SYNJ2BP: variants seen among roughly 807,000 people sequenced by gnomAD.
SYNJ2BP encodes the protein synaptojanin 2 binding protein, also known as synaptojanin-2-binding protein.
A neutral mutation model predicts 16.9 loss-of-function variants in SYNJ2BP; 10 were observed. The ratio of observed to expected loss-of-function variants is 0.59; its 90% confidence interval spans 0.36 to 1.00. SYNJ2BP has a LOEUF of 1.00. Among genes scored for constraint, SYNJ2BP ranks in the 50% least tolerant of loss-of-function variants. The probability of loss-of-function intolerance (pLI) is 0.01; values close to 1 mark genes in which losing one functional copy is unlikely to be tolerated. For synonymous variants in SYNJ2BP, 54 were observed against 68.4 expected (o/e 0.79, Z 1.04); for missense variants, 162 against 186.7 (o/e 0.87, Z 0.77).
chr14:70,409,472 G>A (rs1002903840), intron 1 of SYNJ2BP, among the ~76,000 whole-genome samples: 4 of 152,084 alleles, frequency 2.6e-5, no homozygotes, highest in Non-Finnish European at 5.9e-5. Flanking sequence ...ACATGGCTTC[G>A]CAAAATGTTT....
chr14:70,401,540 T>TTTC (rs398025565), intron 1 of SYNJ2BP, among the ~76,000 whole-genome samples: 2 of 149,128 alleles, frequency 1.3e-5, no homozygotes, highest in African/African-American at 5.0e-5. Flanking sequence ...TTTTTTTTTT[T>TTTC]CAGTCAATTG....
chr14:70,379,398 C>G (rs984309034), intron 2 of SYNJ2BP, among the ~76,000 whole-genome samples: 1 of 152,186 alleles, frequency 6.6e-6, no homozygotes, highest in Non-Finnish European at 1.5e-5. Flanking sequence ...TTTCCTATAT[C>G]CTATACTCTA....
intron 1 of SYNJ2BP, among the ~76,000 whole-genome samples, chr14:70,411,705 G>A (rs970862514): frequency 6.6e-6 from 1 of 152,158 alleles, no homozygotes. Context: ...CAAGTTCCAC[G>A]TTCTTTTAAT....
At chr14:70,396,496 G>A (rs975874715) in intron 1 of SYNJ2BP, among the ~76,000 whole-genome samples, 4 of 152,042 alleles carry the variant, frequency 2.6e-5, no homozygotes, top group Non-Finnish European at 5.9e-5. Context: ...AATAATTTGA[G>A]GAGGTGATAA....
Position 70,367,897 on chromosome 14 carries a change from A to C in SYNJ2BP, c.*5094T>G, listed in dbSNP as rs1296212085. The C allele has an allele frequency of 6.6e-6, 1 of 152,216 alleles. No homozygotes were observed. The highest frequency in any genetic ancestry group is 1.5e-5 in the Non-Finnish European group (1 of 68,040). The allele number at this position is 152,216 out of a possible 1,614,324, so 9.4% of individuals were successfully genotyped here. ...AGCTTAGAGTGACTAAGTGTTATTTATCTCTCTATCTTCGGCACCTAGCAC... is the reference window on the plus strand; with the variant it reads ...AGCTTAGAGTGACTAAGTGTTATTTCTCTCTCTATCTTCGGCACCTAGCAC... On this transcript the variant is annotated 3_prime_UTR_variant, in exon 4 of 4. Transcript: ENST00000256366.
At chr14:70,400,403 T>G (rs1566622382) in intron 1 of SYNJ2BP, among the ~76,000 whole-genome samples, 1 of 152,220 alleles carries the variant, frequency 6.6e-6, no homozygotes, top group African/African-American at 2.4e-5. Flanking sequence ...AAATATAACC[T>G]GAAGAAGACT....
At position 70,368,637 on chromosome 14, in the gene SYNJ2BP, G is replaced by T. The variant is rs1235719498; in HGVS notation, c.*4354C>A. Reference sequence around the variant, plus strand: ...CTTAGCAAATCAGGAAGAAATGAATGTTCCACTTACTTCGTGCAGAAGCTC... The same window carrying T: ...CTTAGCAAATCAGGAAGAAATGAATTTTCCACTTACTTCGTGCAGAAGCTC... On this transcript the variant is annotated 3_prime_UTR_variant, in exon 4 of 4. Coordinates refer to ENST00000256366, the MANE Select transcript of SYNJ2BP (RefSeq NM_018373.3). 1 of 152,220 alleles carries T rather than the reference G, an allele frequency of 6.6e-6. No homozygotes were observed. Among genetic ancestry groups the T allele is most frequent in the African/African-American group, 2.4e-5 (1 of 41,458 alleles). The allele number at this position is 152,220 out of a possible 1,614,324, so 9.4% of individuals were successfully genotyped here.
At chr14:70,414,097 C>T (rs1346705342) in intron 1 of SYNJ2BP, among the ~76,000 whole-genome samples, 1 of 152,206 alleles carries the variant, frequency 6.6e-6, no homozygotes, top group East Asian at 1.9e-4. Context: ...CATGATGATA[C>T]CATGAAGAAA....
intron 1 of SYNJ2BP, among the ~76,000 whole-genome samples, chr14:70,400,227 T>C (rs1888206455): frequency 6.6e-6 from 1 of 152,198 alleles, no homozygotes; most frequent in South Asian, 2.1e-4. Flanking sequence ...CAAAATATCC[T>C]AAGGTCGTTT....
At chr14:70,388,732 A>G in intron 1 of SYNJ2BP, 126 bp from the exon 2 acceptor site, 1 of 1,312,612 alleles carries the variant, frequency 7.6e-7, no homozygotes, top group Non-Finnish European at 9.7e-7. Context: ...GATGCTGGCG[A>G]GTCAGCCTGT....
At chr14:70,377,836 G>A (rs752956524) in intron 2 of SYNJ2BP, among the ~76,000 whole-genome samples, 4 of 152,226 alleles carry the variant, frequency 2.6e-5, no homozygotes, top group South Asian at 4.2e-4. Context: ...TTCTTGGAAC[G>A]CATTATCACT....
At chr14:70,412,371 C>T (rs1241446372) in intron 1 of SYNJ2BP, among the ~76,000 whole-genome samples, 1 of 151,828 alleles carries the variant, frequency 6.6e-6, no homozygotes, top group African/African-American at 2.4e-5. Context: ...TGGGCAAGTC[C>T]TTAACCTCCC....
chr14:70,395,619 A>G (rs1457139044), intron 1 of SYNJ2BP, among the ~76,000 whole-genome samples: 3 of 152,212 alleles, frequency 2.0e-5, no homozygotes, highest in Admixed American at 1.3e-4. Flanking sequence ...GTCTTTATCT[A>G]TATCATGGTA....
At chr14:70,396,944 ACTCTC>A (rs1292330968) in intron 1 of SYNJ2BP, among the ~76,000 whole-genome samples, 7 of 151,586 alleles carry the variant, frequency 4.6e-5, no homozygotes, top group Non-Finnish European at 7.4e-5. Flanking sequence ...GCTATCTTTA[ACTCTC>A]CTCATAGTGT....
intron 2 of SYNJ2BP, among the ~76,000 whole-genome samples, chr14:70,382,040 T>C (rs1237500770): frequency 2.0e-5 from 3 of 152,094 alleles, no homozygotes; most frequent in Admixed American, 6.5e-5. Context: ...ATCGAGACCA[T>C]CCTAGCTAAC....
intron 1 of SYNJ2BP, among the ~76,000 whole-genome samples, chr14:70,396,122 T>C (rs1464889432): frequency 1.3e-5 from 2 of 149,092 alleles, no homozygotes; most frequent in African/African-American, 2.4e-5. Context: ...CCTGCAATTC[T>C]TTTTTTTATT....
At chr14:70,396,325 G>C (rs190525384) in intron 1 of SYNJ2BP, among the ~76,000 whole-genome samples, 8 of 152,226 alleles carry the variant, frequency 5.3e-5, no homozygotes, top group Admixed American at 2.0e-4. Flanking sequence ...CACCATGTTA[G>C]CCAGGATGGT....
intron 2 of SYNJ2BP, among the ~76,000 whole-genome samples, chr14:70,381,674 G>C (rs1287192291): frequency 6.6e-6 from 1 of 152,152 alleles, no homozygotes; most frequent in Admixed American, 6.5e-5. Flanking sequence ...AGCAGCCTTA[G>C]CATCACCTGG....
chr14:70,376,859 A>C (rs1304775002), intron 2 of SYNJ2BP, among the ~76,000 whole-genome samples: 1 of 152,216 alleles, frequency 6.6e-6, no homozygotes, highest in Non-Finnish European at 1.5e-5. Context: ...TCCTCTGCTC[A>C]GCTAATGCTC....
Sources: allele counts gnomAD v4.1 joint callset (sites outside exome capture counted in the v4.1 genomes callset), GRCh38; gene constraint gnomAD v4.1.1; transcripts MANE v1.5; gene names NCBI Gene and HGNC (gene_info 2026-07-23, HGNC 2026-07-21).